Variants in AHNAK observed in about 807,000 individuals in gnomAD.
AHNAK encodes the protein neuroblast differentiation-associated protein AHNAK.
Under a neutral mutation model 37.8 loss-of-function variants are expected in AHNAK, and 23 were observed. The observed-to-expected ratio is 0.61, with a 90% CI of 0.44 to 0.86. The LOEUF is 0.86. Ranked by LOEUF, AHNAK falls within the 40% of genes least tolerant of loss-of-function variation. The pLI is 0.00. For missense variants in AHNAK, 7,411 were observed against 7,319.4 expected (o/e 1.01, Z -0.46); for synonymous variants, 2,481 against 2,636.3 (o/e 0.94, Z 1.80).
intron 5 of AHNAK, among the ~76,000 whole-genome samples, chr11:62,457,594 A>T (rs12279735): frequency 0.034 from 5,180 of 152,094 alleles, 285 homozygotes; most frequent in African/African-American, 0.12. Flanking sequence ...AAGCCACCAC[A>T]CTCCAGTCTG....
In AHNAK at chr11:62,532,343, C is replaced by T. The variant is rs1940785055; in HGVS notation, c.2074G>A (p.Val692Ile). 6 of 1,614,054 alleles carry T rather than the reference C, an allele frequency of 3.7e-6. No homozygotes were observed. In the South Asian group the frequency reaches 5.5e-5, roughly 15 times the overall value. The change falls in exon 5 of 5, where the codon GTC becomes ATC. Residue 692 changes from valine (V) to isoleucine (I), a missense_variant. Coordinates refer to ENST00000378024, the MANE Select transcript of AHNAK (RefSeq NM_001620.3). ...GPDVKLPDMSVKTPKISMPDV... is the reference protein window; with the variant it reads ...GPDVKLPDMSIKTPKISMPDV... ...GGCATGGAGATCTTTGGTGTCTTGACACTCATATCAGGCAGCTTAACATCG... is the reference window on the plus strand; with the variant it reads ...GGCATGGAGATCTTTGGTGTCTTGATACTCATATCAGGCAGCTTAACATCG...
intron 4 of AHNAK, among the ~76,000 whole-genome samples, chr11:62,502,208 C>G (rs1939724929): frequency 6.6e-6 from 1 of 152,168 alleles, no homozygotes; most frequent in South Asian, 2.1e-4. Flanking sequence ...CCCACCCCAG[C>G]AGGGCAGTCC....
intron 5 of AHNAK, among the ~76,000 whole-genome samples, chr11:62,446,299 G>T (rs1401370259): frequency 6.6e-6 from 1 of 152,112 alleles, no homozygotes; most frequent in African/African-American, 2.4e-5. Flanking sequence ...TCTCTTCCCA[G>T]CTCAGGGCTC....
chr11:62,498,210 C>T (rs1003881221), intron 4 of AHNAK, among the ~76,000 whole-genome samples: 4 of 151,986 alleles, frequency 2.6e-5, no homozygotes, highest in Admixed American at 6.6e-5. Flanking sequence ...GTTGCTAACC[C>T]ACAAAACTCT....
chr11:62,493,207 T>C (rs975575336), intron 4 of AHNAK, among the ~76,000 whole-genome samples: 5 of 150,878 alleles, frequency 3.3e-5, no homozygotes, highest in African/African-American at 9.8e-5. Flanking sequence ...AGAGACAGGG[T>C]TTCACCATGT....
chr11:62,464,069 GT>G (rs1270668036), intron 5 of AHNAK, among the ~76,000 whole-genome samples: 13 of 146,452 alleles, frequency 8.9e-5, no homozygotes, highest in African/African-American at 2.0e-4. Context: ...TGCCCGATGA[GT>G]TTTTTTTTTA....
chr11:62,494,157 G>T (rs546133815), intron 4 of AHNAK, among the ~76,000 whole-genome samples: 1 of 152,134 alleles, frequency 6.6e-6, no homozygotes, highest in East Asian at 1.9e-4. Context: ...ACTGCACATA[G>T]ATTAATCCCA....
chr11:62,522,179 C>T lies in AHNAK; in HGVS notation c.12238G>A (p.Val4080Met). ...TCAGCTTTGGGCAAATTAACATCCA[C>T]TTCTGGGCCCTCTCCTTTAAATCCT... ...MPGFKGEGPE[V>M]DVNLPKADID... Residue 4080 changes from valine (V) to methionine (M), a missense_variant, in exon 5 of 5, where the codon GTG becomes ATG. By Grantham distance (21) the Val-to-Met change is conservative. Transcript: ENST00000378024. 1 of 1,613,882 alleles carries T rather than the reference C, an allele frequency of 6.2e-7. No homozygotes were observed. Among genetic ancestry groups the T allele is most frequent in the Non-Finnish European group, 8.5e-7 (1 of 1,179,990 alleles).
intron 4 of AHNAK, among the ~76,000 whole-genome samples, chr11:62,503,751 T>G (rs1939755806): frequency 6.6e-6 from 1 of 152,188 alleles, no homozygotes; most frequent in Non-Finnish European, 1.5e-5. Flanking sequence ...ATTTTCCATT[T>G]TTAGACACAA....
chr11:62,529,990 A>C lies in AHNAK; in HGVS notation c.4427T>G (p.Val1476Gly). The change falls in exon 5 of 5, where the codon GTA (valine) becomes GGA (glycine). Residue 1476 changes from valine to glycine, a missense_variant. Transcript: ENST00000378024. ...ATCAGGAGCTTTTATCTCTCCTTCTACTTTTGGAACTGTTACATCATAATC... is the reference window on the plus strand; with the variant it reads ...ATCAGGAGCTTTTATCTCTCCTTCTCCTTTTGGAACTGTTACATCATAATC... ...KGDYDVTVPK[V>G]EGEIKAPDVD... is the part of the protein sequence containing the mutation. 1 of 1,613,652 alleles carries C rather than the reference A, an allele frequency of 6.2e-7. No homozygotes were observed. Among genetic ancestry groups the C allele is most frequent in the Non-Finnish European group, 8.5e-7 (1 of 1,179,934 alleles).
Position 62,447,385 on chromosome 11 carries a change from C to T in AHNAK, c.443-13494G>A, listed in dbSNP as rs558545336. 3.3e-5 allele frequency among the ~76,000 whole-genome samples: 5 copies of T among 152,248 alleles called. No homozygotes were observed. In the East Asian group the frequency reaches 7.7e-4, roughly 24 times the overall value. On this transcript the variant is annotated intron_variant, in intron 5 of 5. Transcript: ENST00000257247. ...AGCAGGAATCTTCTGGGGACGATCC[C>T]TCCATCATCACCACCCCACATCCCA...
intron 5 of AHNAK, among the ~76,000 whole-genome samples, chr11:62,449,545 A>T (rs1270001181): frequency 6.6e-6 from 1 of 152,180 alleles, no homozygotes; most frequent in Admixed American, 6.5e-5. Flanking sequence ...CGGGGAGAGC[A>T]GGGGCAGAGG....
intron 5 of AHNAK, among the ~76,000 whole-genome samples, chr11:62,460,980 C>T (rs1295019813): frequency 1.5e-5 from 2 of 136,700 alleles, no homozygotes; most frequent in African/African-American, 2.7e-5. Flanking sequence ...GCCACCAGGC[C>T]TGGCTAATTT....
Position 62,524,678 on chromosome 11 carries a change from C to T in AHNAK, c.9739G>A (p.Asp3247Asn). 6.2e-7 allele frequency: 1 copy of T among 1,614,216 alleles called. No homozygotes were observed. The highest frequency in any genetic ancestry group is 8.5e-7 in the Non-Finnish European group (1 of 1,180,040). Residue 3247 changes from aspartate (D) to asparagine (N), a missense_variant, in exon 5 of 5, where the codon GAT becomes AAT. Transcript: ENST00000378024. ...VDVSLANVEG[D>N]LKGPALDIKG... ...ATGTCAAGAGCAGGTCCTTTCAAAT[C>T]ACCTTCTACATTTGCAAGTGAAACA... is the stretch of plus-strand genomic sequence containing the variant.
intron 5 of AHNAK, among the ~76,000 whole-genome samples, chr11:62,458,171 G>T (rs575467472): frequency 2.3e-3 from 344 of 152,152 alleles, no homozygotes; most frequent in African/African-American, 7.8e-3. Flanking sequence ...ACCCGCCTTG[G>T]CCTCCCAAAG....
At position 62,518,166 on chromosome 11, in the gene AHNAK, C is replaced by T; in HGVS notation, c.16251G>A (p.Gly5417=). ...KLPQFGISTP[G]SDLHVNAKGP... ...CCTTGGCATTGACGTGCAAGTCGGA[C>T]CCCGGAGTAGAGATGCCAAATTGGG... The change falls in exon 5 of 5, where the codon GGG becomes GGA. Residue 5417 remains glycine, a synonymous_variant. Coordinates refer to ENST00000378024, the MANE Select transcript of AHNAK (RefSeq NM_001620.3). The T allele has an allele frequency of 6.2e-7, 1 of 1,614,128 alleles. No homozygotes were observed. The highest frequency in any genetic ancestry group is 2.2e-5 in the East Asian group (1 of 44,880).
chr11:62,440,877 A>G (rs1027928894), intron 5 of AHNAK, among the ~76,000 whole-genome samples: 1 of 152,156 alleles, frequency 6.6e-6, no homozygotes, highest in Non-Finnish European at 1.5e-5. Flanking sequence ...TATAAATACT[A>G]TAGGGTGGCT....
intron 5 of AHNAK, among the ~76,000 whole-genome samples, chr11:62,434,355 G>A (rs1938114392): frequency 6.6e-6 from 1 of 152,074 alleles, no homozygotes; most frequent in Non-Finnish European, 1.5e-5. Context: ...TCTGCTTCAT[G>A]AACCCAAGCA....
rs964908133 is a variant in AHNAK at position 62,524,012 on chromosome 11, C to A, written c.10405G>T (p.Asp3469Tyr). Residue 3469 changes from aspartate to tyrosine, a missense_variant, in exon 5 of 5, where the codon GAC (aspartate) becomes TAC (tyrosine). By Grantham distance (160) the Asp-to-Tyr change is radical. Transcript: ENST00000378024. Reference sequence around the variant, plus strand: ...ATCTTGGGCATTTTCAGATTCCAGTCTGGACCATGAACATCCACATCAGGT... The same window carrying A: ...ATCTTGGGCATTTTCAGATTCCAGTATGGACCATGAACATCCACATCAGGT... ...NAPDVDVHGP[D>Y]WNLKMPKMKM... 1.9e-6 allele frequency: 3 copies of A among 1,614,154 alleles called. No homozygotes were observed. Among genetic ancestry groups the A allele is most frequent in the African/African-American group, 2.7e-5 (2 of 75,030 alleles).
Sources: gnomAD v4.1 joint callset for allele counts (sites outside exome capture counted in the v4.1 genomes callset) on GRCh38, gnomAD v4.1.1 for gene constraint, MANE v1.5 for transcripts, NCBI Gene and HGNC (gene_info 2026-07-23, HGNC 2026-07-21) for gene names.